Variants in CHD7 observed in about 807,000 individuals in gnomAD.
The protein encoded by CHD7 is ATP-dependent chromatin remodeler CHD7.
Under a neutral mutation model 307.3 loss-of-function variants are expected in CHD7, and 24 were observed. The ratio of observed to expected loss-of-function variants is 0.08; its 90% confidence interval spans 0.06 to 0.11. The LOEUF (loss-of-function observed/expected upper bound fraction) is 0.11, where lower values mean the gene tolerates loss of function less well. Among genes scored for constraint, CHD7 ranks in the 10% least tolerant of loss-of-function variants. The pLI is 1.00. For missense variants in CHD7, 3,106 were observed against 3,727.1 expected, an observed-to-expected ratio of 0.83 and a Z score of 4.34; for synonymous variants, 1,363 against 1,349.9, an observed-to-expected ratio of 1.01 and a Z score of -0.21.
In CHD7 at chr8:60,682,493, G is replaced by A. The variant is rs76567123; in HGVS notation, c.-175+3411G>A. Among the ~76,000 whole-genome samples, 1,086 of 152,292 alleles carry A rather than the reference G, an allele frequency of 7.1e-3. 16 individuals carry two copies. The highest frequency in any genetic ancestry group is 0.025 in the African/African-American group (1,020 of 41,560). Reference sequence around the variant, plus strand: ...TGTAACCCATAAAAGCCATGTAAGTGCCAAGTTAGTGTAGTTCTTTCAAAC... The same window carrying A: ...TGTAACCCATAAAAGCCATGTAAGTACCAAGTTAGTGTAGTTCTTTCAAAC... On this transcript the variant is annotated intron_variant, in intron 1 of 37. Transcript: ENST00000423902.
intron 2 of CHD7, among the ~76,000 whole-genome samples, chr8:60,760,523 C>T (rs1810131598): frequency 7.1e-6 from 1 of 141,632 alleles, no homozygotes; most frequent in Non-Finnish European, 1.5e-5. Context: ...AGCTTCTGCA[C>T]AGCAAAAGAA....
At chr8:60,798,998 T>C (rs1812165314) in intron 4 of CHD7, among the ~76,000 whole-genome samples, 1 of 152,242 alleles carries the variant, frequency 6.6e-6, no homozygotes, top group South Asian at 2.1e-4. Flanking sequence ...ATTAATAATC[T>C]GTTGTCTGTC....
intron 2 of CHD7, among the ~76,000 whole-genome samples, chr8:60,771,183 T>C (rs2150644723): frequency 6.6e-6 from 1 of 152,310 alleles, no homozygotes; most frequent in East Asian, 1.9e-4. Context: ...AAAGGATAAA[T>C]ATCTCACTAG....
chr8:60,787,884 A>G (rs919031907), intron 3 of CHD7, among the ~76,000 whole-genome samples: 2 of 142,586 alleles, frequency 1.4e-5, no homozygotes, highest in African/African-American at 5.3e-5. Flanking sequence ...GGTGGAGGGC[A>G]GTGGCACGAT....
At chr8:60,679,594 T>TGGGCGCGC (rs1805472214) in intron 1 of CHD7, 1 of 146,414 alleles carries the variant, frequency 6.8e-6, no homozygotes, top group South Asian at 1.8e-4. Context: ...GAGCGGGCGA[T>TGGGCGCGC]GGGCGCGCGG....
intron 1 of CHD7, among the ~76,000 whole-genome samples, chr8:60,718,412 T>C (rs1807722904): frequency 6.6e-6 from 1 of 151,816 alleles, no homozygotes; most frequent in Non-Finnish European, 1.5e-5. Flanking sequence ...TAGGTGGAGG[T>C]TGCAGTGAGC....
At chr8:60,694,629 C>G (rs965489633) in intron 1 of CHD7, among the ~76,000 whole-genome samples, 1 of 152,204 alleles carries the variant, frequency 6.6e-6, no homozygotes, top group African/African-American at 2.4e-5. Flanking sequence ...AGGACCAGGG[C>G]AAGAGCCCTT....
chr8:60,748,514 G>A (rs138748985), intron 2 of CHD7, among the ~76,000 whole-genome samples: 30 of 152,232 alleles, frequency 2.0e-4, no homozygotes, highest in Non-Finnish European at 3.8e-4. Context: ...GGGTGGAGAG[G>A]GGGTGGAACC....
chr8:60,765,126 T>C (rs2150630289), intron 2 of CHD7, among the ~76,000 whole-genome samples: 1 of 152,226 alleles, frequency 6.6e-6, no homozygotes, highest in African/African-American at 2.4e-5. Context: ...GAAGGTGTCG[T>C]GGGACTTTGA....
At chr8:60,724,245 A>G (rs980195596) in intron 1 of CHD7, among the ~76,000 whole-genome samples, 11 of 152,170 alleles carry the variant, frequency 7.2e-5, no homozygotes, top group African/African-American at 2.7e-4. Context: ...GTGATTTTTT[A>G]AAGGCAGTGT....
Position 60,822,730 on chromosome 8 carries a change from A to G in CHD7, c.3185A>G (p.Tyr1062Cys). The G allele has an allele frequency of 1.2e-6, 2 of 1,607,614 alleles. No homozygotes were observed. The highest frequency in any genetic ancestry group is 1.7e-6 in the Non-Finnish European group (2 of 1,175,356). The change falls in exon 12 of 38, where the codon TAC (tyrosine) becomes TGC (cysteine). Residue 1062 changes from tyrosine (Y) to cysteine (C), a missense_variant. Transcript: ENST00000423902. ...SRRTIQLYEM[Y>C]FKDPQGRVIK... ...CGGACCATTCAGTTGTATGAAATGT[A>G]CTTCAAAGATCCCCAGGTAAACCTT...
intron 19 of CHD7, 85 bp downstream of exon 19, chr8:60,838,340 G>A (rs1377232190): frequency 4.2e-6 from 5 of 1,189,478 alleles, no homozygotes; most frequent in African/African-American, 1.5e-5. Flanking sequence ...GTGCTTACAA[G>A]ATGCATTGGG....
chr8:60,762,837 G>A (rs1009772660), intron 2 of CHD7, among the ~76,000 whole-genome samples: 4 of 152,274 alleles, frequency 2.6e-5, no homozygotes, highest in Admixed American at 2.6e-4. Context: ...ACAGAGGAGT[G>A]GGAGCGAAGA....
At chr8:60,769,058 A>G (rs189725863) in intron 2 of CHD7, among the ~76,000 whole-genome samples, 147 of 152,348 alleles carry the variant, frequency 9.6e-4, no homozygotes, top group African/African-American at 3.5e-3. Context: ...TCTTTGATAT[A>G]AAGAAGTTGA....
At chr8:60,800,849 G>A (rs975525514) in intron 5 of CHD7, among the ~76,000 whole-genome samples, 36 of 152,128 alleles carry the variant, frequency 2.4e-4, no homozygotes, top group Admixed American at 1.9e-3. Context: ...TGGCTTCTGG[G>A]ACTTTAATAA....
At chr8:60,712,060 G>A (rs1807305949) in intron 1 of CHD7, among the ~76,000 whole-genome samples, 1 of 152,182 alleles carries the variant, frequency 6.6e-6, no homozygotes, top group Admixed American at 6.5e-5. Context: ...TGATGTAGAA[G>A]ATACATAGTT....
intron 5 of CHD7, among the ~76,000 whole-genome samples, chr8:60,800,730 A>C (rs894253892): frequency 6.6e-6 from 1 of 152,222 alleles, no homozygotes; most frequent in African/African-American, 2.4e-5. Context: ...TTTATATAAG[A>C]CTGTGATATG....
intron 6 of CHD7, among the ~76,000 whole-genome samples, chr8:60,805,264 A>G (rs1205317829): frequency 6.6e-6 from 1 of 152,200 alleles, no homozygotes; most frequent in East Asian, 1.9e-4. Context: ...TCAGTAAAAG[A>G]AAAGAGGTCA....
At chr8:60,847,405 C>A (rs1444706425) in intron 23 of CHD7, among the ~76,000 whole-genome samples, 1 of 152,206 alleles carries the variant, frequency 6.6e-6, no homozygotes, top group African/African-American at 2.4e-5. Context: ...TCTTCTGCTA[C>A]CATCAGTTTT....
Sources: gnomAD v4.1 joint callset for allele counts (sites outside exome capture counted in the v4.1 genomes callset) on GRCh38, gnomAD v4.1.1 for gene constraint, MANE v1.5 for transcripts, NCBI Gene and HGNC (gene_info 2026-07-23, HGNC 2026-07-21) for gene names.